ERC2: variants seen among roughly 807,000 people sequenced by gnomAD.
The protein encoded by ERC2 is ELKS/RAB6-interacting/CAST family member 2, also known as ERC protein 2.
Under a neutral mutation model 114.8 loss-of-function variants are expected in ERC2, and 42 were observed. The observed-to-expected ratio is 0.37, with a 90% CI of 0.29 to 0.47. The LOEUF (loss-of-function observed/expected upper bound fraction) is 0.47. Ranked by LOEUF, ERC2 falls within the 20% of genes least tolerant of loss-of-function variation. The probability of loss-of-function intolerance (pLI) is 0.99; values close to 1 mark genes in which losing one functional copy is unlikely to be tolerated. For synonymous variants in ERC2, 454 were observed against 425.5 expected, an observed-to-expected ratio of 1.07 and a Z score of -0.82; for missense variants, 939 against 1,150.7, an observed-to-expected ratio of 0.82 and a Z score of 2.66.
At chr3:55,858,442 C>A (rs907309993) in intron 14 of ERC2, among the ~76,000 whole-genome samples, 1 of 152,122 alleles carries the variant, frequency 6.6e-6, no homozygotes, top group Non-Finnish European at 1.5e-5. Flanking sequence ...TAAGCTGCCA[C>A]GAGGCAATGT....
chr3:55,657,336 A>T (rs796105249), intron 17 of ERC2: 15 of 152,256 alleles, frequency 9.9e-5, no homozygotes, highest in African/African-American at 3.6e-4. Flanking sequence ...TTGGGTGTAC[A>T]GTCTTATTTC....
intron 17 of ERC2, among the ~76,000 whole-genome samples, chr3:55,660,290 C>T (rs974992842): frequency 5.9e-5 from 9 of 152,164 alleles, no homozygotes; most frequent in African/African-American, 9.7e-5. Context: ...CTTTTGGCTC[C>T]TGATCTTTAT....
rs1451125796 is a variant in ERC2, at chr3:56,299,364, G to A, written c.658-2929C>T. 4.0e-5 allele frequency among the ~76,000 whole-genome samples: 6 copies of A among 151,530 alleles called. No individual in the cohort carries two copies. The South Asian group carries it at 8.3e-4, about 21-fold the overall frequency. On this transcript the variant is annotated intron_variant, in intron 2 of 17. Coordinates refer to ENST00000288221, the MANE Select transcript of ERC2 (RefSeq NM_015576.3). ...AGGATGGTCTCGATCTCCTGACCTCGTGATCCACCTGCCTTGGCCTCCCAA... is the reference window on the plus strand; with the variant it reads ...AGGATGGTCTCGATCTCCTGACCTCATGATCCACCTGCCTTGGCCTCCCAA...
intron 17 of ERC2, among the ~76,000 whole-genome samples, chr3:55,574,463 G>A (rs1030963403): frequency 6.6e-6 from 1 of 152,084 alleles, no homozygotes; most frequent in Admixed American, 6.6e-5. Context: ...ATATATCCAA[G>A]AGGAAGGACG....
chr3:56,439,831 C>T (rs977287817), intron 1 of ERC2, among the ~76,000 whole-genome samples: 74 of 151,862 alleles, frequency 4.9e-4, no homozygotes, highest in African/African-American at 1.7e-3. Flanking sequence ...ATACACATGG[C>T]TGCATATTCC....
chr3:56,056,178 C>T (rs1411657194), intron 7 of ERC2, among the ~76,000 whole-genome samples: 1 of 152,188 alleles, frequency 6.6e-6, no homozygotes, highest in Admixed American at 6.5e-5. Context: ...TGTGACAATT[C>T]TTCCTTCATC....
At chr3:55,756,114 T>A (rs1343803654) in intron 14 of ERC2, among the ~76,000 whole-genome samples, 1 of 152,186 alleles carries the variant, frequency 6.6e-6, no homozygotes, top group Non-Finnish European at 1.5e-5. Context: ...GCAGGCTTAA[T>A]GTCTTCAAAA....
At chr3:55,591,600 T>C (rs371863418) in intron 17 of ERC2, among the ~76,000 whole-genome samples, 5,983 of 142,386 alleles carry the variant, frequency 0.042, 183 homozygotes, top group African/African-American at 0.078. Flanking sequence ...TGTGTGTGTG[T>C]GCGCGCGCGT....
At chr3:55,693,415 G>A (rs936071261) in intron 16 of ERC2, among the ~76,000 whole-genome samples, 3 of 152,158 alleles carry the variant, frequency 2.0e-5, no homozygotes, top group African/African-American at 7.2e-5. Context: ...AGGGGAGAGT[G>A]AGCAAGGGAA....
At chr3:55,602,688 C>T (rs2058459975) in intron 17 of ERC2, among the ~76,000 whole-genome samples, 1 of 152,046 alleles carries the variant, frequency 6.6e-6, no homozygotes, top group African/African-American at 2.4e-5. Flanking sequence ...TTTTCCCTTG[C>T]CCCCCTTCCC....
intron 13 of ERC2, among the ~76,000 whole-genome samples, chr3:55,918,117 C>T (rs149715879): frequency 3.3e-5 from 5 of 151,996 alleles, no homozygotes; most frequent in African/African-American, 4.8e-5. Context: ...ATAGATCACA[C>T]CAAAGCTATT....
intron 2 of ERC2, among the ~76,000 whole-genome samples, chr3:56,386,272 T>C (rs1430742004): frequency 2.0e-5 from 3 of 152,140 alleles, no homozygotes; most frequent in African/African-American, 7.2e-5. Flanking sequence ...TTCAGTGTAT[T>C]CTACATTAAA....
chr3:56,277,012 G>T (rs2054048317), intron 3 of ERC2, among the ~76,000 whole-genome samples: 1 of 152,196 alleles, frequency 6.6e-6, no homozygotes, highest in Non-Finnish European at 1.5e-5. Flanking sequence ...ATCTGTCGAT[G>T]AACTTTGCCT....
chr3:55,964,519 T>C (rs960264483), intron 12 of ERC2, among the ~76,000 whole-genome samples: 13 of 152,296 alleles, frequency 8.5e-5, no homozygotes, highest in African/African-American at 1.7e-4. Context: ...ATACACTCTT[T>C]AGGATCTGGT....
chr3:56,099,459 T>C (rs2078234178), intron 6 of ERC2, among the ~76,000 whole-genome samples: 1 of 152,212 alleles, frequency 6.6e-6, no homozygotes, highest in African/African-American at 2.4e-5. Flanking sequence ...TCAGAGGCTC[T>C]TGTTCTACAG....
intron 3 of ERC2, among the ~76,000 whole-genome samples, chr3:56,266,325 T>A (rs549501053): frequency 9.5e-4 from 144 of 151,592 alleles, no homozygotes; most frequent in African/African-American, 3.4e-3. Flanking sequence ...AGAGACAGGG[T>A]TTCACCGTGT....
intron 6 of ERC2, among the ~76,000 whole-genome samples, chr3:56,112,621 A>G (rs2079024770): frequency 6.6e-6 from 1 of 152,174 alleles, no homozygotes; most frequent in African/African-American, 2.4e-5. Flanking sequence ...GGAATTTGAA[A>G]AATCACTATT....
At position 55,734,785 on chromosome 3, in the gene ERC2, G is replaced by A; in HGVS notation, c.2698C>T (p.Gln900Ter). 6.2e-7 allele frequency: 1 copy of A among 1,611,096 alleles called. No homozygotes were observed. Among genetic ancestry groups the A allele is most frequent in the Non-Finnish European group, 8.5e-7 (1 of 1,178,764 alleles). ...GGAGGCCCCACCTGCTGCTTTAATT[G>A]ATGTACTAGTCGGTCTTTTTCCCGC... ...LKREKDRLVH[Q>*]LKQQTQNRMK... The change falls in exon 15 of 18, where the codon CAA becomes TAA. Residue 900 changes from glutamine to a stop codon, truncating the protein, a stop_gained. Transcript: ENST00000288221. LOFTEE classifies it high-confidence loss of function.
At chr3:55,932,028 A>G (rs928980755) in intron 13 of ERC2, among the ~76,000 whole-genome samples, 3 of 152,252 alleles carry the variant, frequency 2.0e-5, no homozygotes, top group African/African-American at 7.2e-5. Flanking sequence ...TTCTGTAAAT[A>G]GAGAACCTAA....
Sources: allele counts gnomAD v4.1 joint callset (sites outside exome capture counted in the v4.1 genomes callset), GRCh38; gene constraint gnomAD v4.1.1; transcripts MANE v1.5; gene names NCBI Gene and HGNC (gene_info 2026-07-23, HGNC 2026-07-21).